Variants in TSGA10 observed in about 807,000 individuals in gnomAD.
TSGA10 encodes testis-specific gene 10 protein.
Under a neutral mutation model 96.6 loss-of-function variants are expected in TSGA10, and 43 were observed. The ratio of observed to expected loss-of-function variants is 0.44; its 90% CI spans 0.35 to 0.57. TSGA10 has a LOEUF of 0.57. Ranked by LOEUF, TSGA10 falls within the 20% of genes least tolerant of loss-of-function variation. The pLI, the probability that TSGA10 is intolerant of heterozygous loss-of-function variation, is 0.01. For missense variants in TSGA10, 703 were observed against 834.4 expected, an observed-to-expected ratio of 0.84 and a Z score of 1.94; for synonymous variants, 229 against 269.9, an observed-to-expected ratio of 0.85 and a Z score of 1.48.
At chr2:99,062,360 G>A (rs2104446544) in intron 16 of TSGA10, among the ~76,000 whole-genome samples, 1 of 152,188 alleles carries the variant, frequency 6.6e-6, no homozygotes, top group African/African-American at 2.4e-5. Context: ...CACAATATTA[G>A]AAACATTAGA....
At chr2:99,094,597 A>C (rs1444619549) in intron 10 of TSGA10, among the ~76,000 whole-genome samples, 4 of 152,240 alleles carry the variant, frequency 2.6e-5, no homozygotes, top group African/African-American at 9.6e-5. Context: ...TAAGGACATG[A>C]ATAGATAATT....
intron 9 of TSGA10, 83 bp downstream of exon 9, chr2:99,105,276 T>C: frequency 4.2e-6 from 5 of 1,200,012 alleles, no homozygotes; most frequent in Non-Finnish European, 5.9e-6. Context: ...TAAAATAACT[T>C]CTCTGAATAC....
intron 3 of TSGA10, among the ~76,000 whole-genome samples, chr2:99,118,145 T>C (rs898037777): frequency 1.4e-4 from 22 of 152,026 alleles, no homozygotes; most frequent in African/African-American, 5.3e-4. Context: ...TAATTATTGT[T>C]ATTAAAATAT....
At chr2:99,085,089 A>G (rs2088085469) in intron 10 of TSGA10, among the ~76,000 whole-genome samples, 1 of 151,662 alleles carries the variant, frequency 6.6e-6, no homozygotes, top group Admixed American at 6.6e-5. Context: ...TCTACTAAAA[A>G]TACAAAAATT....
chr2:99,110,814 G>T, intron 5 of TSGA10, 36 bp downstream of exon 5: 1 of 529,190 alleles, frequency 1.9e-6, no homozygotes, highest in Non-Finnish European at 2.4e-6. Flanking sequence ...AAATAAAAAT[G>T]ATTCCGTAAC....
At chr2:99,020,532 A>G (rs770435394) in intron 17 of TSGA10, 50 bp from the exon 18 acceptor site, 3 of 1,383,952 alleles carry the variant, frequency 2.2e-6, no homozygotes, top group South Asian at 1.2e-5. Flanking sequence ...AATTCACTTA[A>G]CTATTATATT....
At position 99,128,269 on chromosome 2, in the gene TSGA10, T is replaced by C. The variant is rs550042754; in HGVS notation, c.-620-1093A>G. Among the ~76,000 whole-genome samples the C allele has an allele frequency of 2.6e-5, 4 of 152,296 alleles. No individual in the cohort carries two copies. In the East Asian group the frequency reaches 7.7e-4, roughly 29 times the overall value. On this transcript the variant is annotated intron_variant, in intron 1 of 20. Transcript: ENST00000393483. ...TTCTCTAAACAAGACACAACTCTTC[T>C]TCATTGCAACAGTTACTGCCCCACC...
chr2:99,046,800 G>C (rs999389591), intron 16 of TSGA10, among the ~76,000 whole-genome samples: 7 of 151,992 alleles, frequency 4.6e-5, no homozygotes, highest in African/African-American at 1.7e-4. Flanking sequence ...TTTTTGAAAA[G>C]ATCAACAAAA....
At chr2:99,062,719 G>T (rs1233512408) in intron 16 of TSGA10, among the ~76,000 whole-genome samples, 1 of 152,188 alleles carries the variant, frequency 6.6e-6, no homozygotes, top group Non-Finnish European at 1.5e-5. Flanking sequence ...TAGGAACAGA[G>T]TGAGACTCTG....
chr2:99,062,402 T>C (rs1400694264), intron 16 of TSGA10, among the ~76,000 whole-genome samples: 2 of 152,088 alleles, frequency 1.3e-5, no homozygotes, highest in Non-Finnish European at 2.9e-5. Context: ...AAAGTAAAAA[T>C]AGACTAATAA....
At chr2:99,147,529 T>C (rs760673321) in intron 1 of TSGA10, 3 of 1,594,576 alleles carry the variant, frequency 1.9e-6, no homozygotes, top group Admixed American at 1.7e-5. Flanking sequence ...CCTATTATAC[T>C]TGGTTCCTCC....
At chr2:99,030,870 T>C (rs1049559351) in intron 17 of TSGA10, among the ~76,000 whole-genome samples, 10 of 152,070 alleles carry the variant, frequency 6.6e-5, no homozygotes, top group Admixed American at 6.6e-5. Flanking sequence ...AAATAAGACA[T>C]ACCACGTTCA....
At chr2:99,125,755 G>A (rs990978663) in intron 2 of TSGA10, 1 of 152,234 alleles carries the variant, frequency 6.6e-6, no homozygotes, top group African/African-American at 2.4e-5. Flanking sequence ...TCTGGAAAGG[G>A]TGGTGTTCCT....
At chr2:99,090,739 A>T (rs188945666) in intron 10 of TSGA10, among the ~76,000 whole-genome samples, 9 of 152,230 alleles carry the variant, frequency 5.9e-5, no homozygotes, top group Admixed American at 2.0e-4. Context: ...AAAGAATTTT[A>T]AAAAAATGAA....
chr2:99,144,648 T>TAAAAAAAAAA (rs2093613310), intron 1 of TSGA10, among the ~76,000 whole-genome samples: 1 of 15,758 alleles, frequency 6.3e-5, no homozygotes. Context: ...AAACTCTGTC[T>TAAAAAAAAAA]CAAAAAAAAA....
At chr2:99,129,361 T>A (rs2092967082) in intron 1 of TSGA10, among the ~76,000 whole-genome samples, 1 of 152,182 alleles carries the variant, frequency 6.6e-6, no homozygotes, top group Non-Finnish European at 1.5e-5. Flanking sequence ...TGTCAAAAAA[T>A]TTGTTGAGGT....
At chr2:99,030,240 G>A (rs948782881) in intron 17 of TSGA10, among the ~76,000 whole-genome samples, 5 of 152,110 alleles carry the variant, frequency 3.3e-5, no homozygotes, top group Non-Finnish European at 5.9e-5. Context: ...CCAGCTACTC[G>A]GGAGGTTGAG....
At chr2:99,147,513 G>A (rs1472928782) in intron 1 of TSGA10, 1 of 1,612,008 alleles carries the variant, frequency 6.2e-7, no homozygotes, top group Non-Finnish European at 8.5e-7. Flanking sequence ...ACAGGGCCAA[G>A]TCTACCCTAT....
At chr2:99,127,709 A>AAAC (rs35189430) in intron 1 of TSGA10, among the ~76,000 whole-genome samples, 89,585 of 151,726 alleles carry the variant, frequency 0.59, 27,369 homozygotes, top group East Asian at 0.88. Flanking sequence ...ACACAAATTA[A>AAAC]AACACTGAGA....
Sources: allele counts gnomAD v4.1 joint callset (sites outside exome capture counted in the v4.1 genomes callset), GRCh38; gene constraint gnomAD v4.1.1; transcripts MANE v1.5; gene names NCBI Gene and HGNC (gene_info 2026-07-23, HGNC 2026-07-21).